Variants in KCNIP4 observed in about 807,000 individuals in gnomAD.
KCNIP4 encodes potassium voltage-gated channel interacting protein 4.
Under a neutral mutation model 34.0 loss-of-function variants are expected in KCNIP4, and 12 were observed. That is an observed-to-expected ratio of 0.35 (90% CI 0.23 to 0.57). The LOEUF is 0.57. Ranked by LOEUF, KCNIP4 falls within the 20% of genes least tolerant of loss-of-function variation. The pLI, the probability that KCNIP4 is intolerant of heterozygous loss-of-function variation, is 0.83. For missense variants in KCNIP4, 238 were observed against 311.7 expected, an observed-to-expected ratio of 0.76 and a Z score of 1.78; for synonymous variants, 124 against 102.2, an observed-to-expected ratio of 1.21 and a Z score of -1.29.
intron 1 of KCNIP4, among the ~76,000 whole-genome samples, chr4:21,071,574 ATAC>A (rs1744925472): frequency 6.6e-6 from 1 of 152,196 alleles, no homozygotes; most frequent in Non-Finnish European, 1.5e-5. Context: ...TTGGCTGTCT[ATAC>A]AATTTTTAGA....
At chr4:20,854,645 G>T (rs530129921) in intron 2 of KCNIP4, among the ~76,000 whole-genome samples, 1 of 152,054 alleles carries the variant, frequency 6.6e-6, no homozygotes, top group Admixed American at 6.6e-5. Context: ...AGGAAAAAAA[G>T]AATTGAAGGA....
At chr4:20,952,365 A>G (rs1732871434) in intron 1 of KCNIP4, among the ~76,000 whole-genome samples, 1 of 152,190 alleles carries the variant, frequency 6.6e-6, no homozygotes, top group Non-Finnish European at 1.5e-5. Flanking sequence ...TGACATGTTC[A>G]TTATCTCAAA....
intron 1 of KCNIP4, among the ~76,000 whole-genome samples, chr4:21,211,206 A>G (rs1332811964): frequency 6.6e-6 from 1 of 152,196 alleles, no homozygotes; most frequent in Non-Finnish European, 1.5e-5. Context: ...AAGGTGCTCT[A>G]GAAATGTAAG....
At chr4:21,508,160 G>T (rs577932318) in intron 1 of KCNIP4, among the ~76,000 whole-genome samples, 1 of 152,082 alleles carries the variant, frequency 6.6e-6, no homozygotes, top group African/African-American at 2.4e-5. Context: ...AGGAACAATA[G>T]GATATTTTCA....
At chr4:21,841,763 A>T (rs566661944) in intron 1 of KCNIP4, among the ~76,000 whole-genome samples, 181 of 152,294 alleles carry the variant, frequency 1.2e-3, no homozygotes, top group Middle Eastern at 3.4e-3. Flanking sequence ...TGATATTTTT[A>T]AAAAATTAGC....
intron 1 of KCNIP4, among the ~76,000 whole-genome samples, chr4:21,782,169 G>GA (rs1180224095): frequency 1.3e-5 from 2 of 152,078 alleles, no homozygotes; most frequent in African/African-American, 4.8e-5. Context: ...GGAGTGGAGT[G>GA]AAAAAACACG....
intron 1 of KCNIP4, among the ~76,000 whole-genome samples, chr4:21,750,412 C>T (rs6838654): frequency 0.73 from 110,252 of 152,022 alleles, 41,362 homozygotes; most frequent in African/African-American, 0.84. Context: ...CTTCTATCCA[C>T]GAAACTGGAG....
chr4:21,566,435 G>A (rs1473574762), intron 1 of KCNIP4, among the ~76,000 whole-genome samples: 1 of 152,060 alleles, frequency 6.6e-6, no homozygotes, highest in Non-Finnish European at 1.5e-5. Context: ...TGAGTTCTCA[G>A]GAGATCTGGT....
chr4:21,172,068 C>T lies in KCNIP4; in HGVS notation c.62-289359G>A, dbSNP rs57275949. On this transcript the variant is annotated intron_variant, in intron 1 of 8. Coordinates refer to ENST00000382152, the MANE Select transcript of KCNIP4 (RefSeq NM_025221.6). ...TTTGAGACAGAGTCTCACTCTGTTG[C>T]CAAGGCTGCAGTGCAGTGGCGTGAT... 2.8e-3 allele frequency among the ~76,000 whole-genome samples: 424 copies of T among 152,264 alleles called. 1 individual carries two copies. Among genetic ancestry groups the T allele is most frequent in the African/African-American group, 9.0e-3 (373 of 41,550 alleles).
chr4:21,579,870 T>C (rs757206176), intron 1 of KCNIP4, among the ~76,000 whole-genome samples: 18 of 152,144 alleles, frequency 1.2e-4, no homozygotes, highest in Non-Finnish European at 1.6e-4. Context: ...AAAATTCCTT[T>C]TGAAGAGTAG....
intron 3 of KCNIP4, among the ~76,000 whole-genome samples, chr4:20,803,613 G>C (rs535455275): frequency 1.3e-5 from 2 of 150,736 alleles, no homozygotes; most frequent in South Asian, 4.2e-4. Context: ...AGCTGAGATT[G>C]TGTTGCTTCA....
chr4:20,781,680 T>C (rs928898934), intron 3 of KCNIP4, among the ~76,000 whole-genome samples: 4 of 152,124 alleles, frequency 2.6e-5, no homozygotes, highest in African/African-American at 9.7e-5. Context: ...TTATCTCCCA[T>C]TGGGTCCCTC....
intron 1 of KCNIP4, among the ~76,000 whole-genome samples, chr4:20,990,713 C>A (rs575994561): frequency 9.3e-4 from 141 of 152,226 alleles, no homozygotes; most frequent in African/African-American, 3.2e-3. Flanking sequence ...TTCTTTTTCC[C>A]AGCCTTTGTG....
At chr4:21,355,559 G>T (rs1439372785) in intron 1 of KCNIP4, among the ~76,000 whole-genome samples, 4 of 152,070 alleles carry the variant, frequency 2.6e-5, no homozygotes, top group East Asian at 3.9e-4. Flanking sequence ...TAGAAGAAAT[G>T]GATAAATTCC....
At chr4:21,139,381 T>C (rs1751756560) in intron 1 of KCNIP4, among the ~76,000 whole-genome samples, 1 of 152,216 alleles carries the variant, frequency 6.6e-6, no homozygotes, top group Admixed American at 6.5e-5. Context: ...ATGGGAAGAA[T>C]GCCAACATGT....
intron 1 of KCNIP4, among the ~76,000 whole-genome samples, chr4:21,918,638 G>C (rs1728772285): frequency 6.6e-6 from 1 of 152,176 alleles, no homozygotes; most frequent in Admixed American, 6.5e-5. Flanking sequence ...ATGCCTGCCA[G>C]CAAATGCAGA....
chr4:21,210,705 G>A (rs915186854), intron 1 of KCNIP4, among the ~76,000 whole-genome samples: 3 of 152,084 alleles, frequency 2.0e-5, no homozygotes, highest in African/African-American at 7.2e-5. Context: ...CACTGAAAGA[G>A]CTATATGTTT....
chr4:21,301,507 T>C (rs1185009068), intron 1 of KCNIP4, among the ~76,000 whole-genome samples: 2 of 152,114 alleles, frequency 1.3e-5, no homozygotes, highest in East Asian at 3.9e-4. Context: ...CATAGGACAA[T>C]TGAGCAGACA....
intron 1 of KCNIP4, among the ~76,000 whole-genome samples, chr4:21,132,677 C>T (rs1189595762): frequency 1.3e-5 from 2 of 151,976 alleles, no homozygotes; most frequent in Non-Finnish European, 2.9e-5. Flanking sequence ...TGTGTTTGTC[C>T]TTGTGTAGCA....
Sources: gnomAD v4.1 joint callset for allele counts (sites outside exome capture counted in the v4.1 genomes callset) on GRCh38, gnomAD v4.1.1 for gene constraint, MANE v1.5 for transcripts, NCBI Gene and HGNC (gene_info 2026-07-23, HGNC 2026-07-21) for gene names.